The following CMSS1 variants were observed in gnomAD, a reference collection of about 807,000 sequenced individuals.
The protein encoded by CMSS1 is cms1 ribosomal small subunit homolog.
A neutral mutation model predicts 43.5 loss-of-function variants in CMSS1; 33 were observed. The observed-to-expected ratio is 0.76, with a 90% CI of 0.57 to 1.01. The LOEUF (loss-of-function observed/expected upper bound fraction) is 1.01, where lower values mean the gene tolerates loss of function less well. CMSS1 is among the 50% of genes least tolerant of loss of function. The pLI is 0.00. For missense variants in CMSS1, 313 were observed against 326.4 expected (o/e 0.96, Z 0.32); for synonymous variants, 115 against 117.2 (o/e 0.98, Z 0.12).
At chr3:99,835,675 A>T (rs1316034024) in intron 1 of CMSS1, among the ~76,000 whole-genome samples, 1 of 152,220 alleles carries the variant, frequency 6.6e-6, no homozygotes, top group African/African-American at 2.4e-5. Context: ...CATTTTAAGA[A>T]ACATTGATAT....
intron 2 of CMSS1, among the ~76,000 whole-genome samples, chr3:100,150,260 A>G (rs1380975504): frequency 1.3e-5 from 2 of 152,206 alleles, no homozygotes; most frequent in African/African-American, 2.4e-5. Flanking sequence ...CCACTATAGT[A>G]CCTAACACAG....
At chr3:99,820,660 A>T (rs1389840180) in intron 1 of CMSS1, among the ~76,000 whole-genome samples, 1 of 152,240 alleles carries the variant, frequency 6.6e-6, no homozygotes, top group Non-Finnish European at 1.5e-5. Context: ...TTCAAAAGAA[A>T]TCACAGCTGA....
chr3:99,990,554 A>C (rs923465735), intron 1 of CMSS1, among the ~76,000 whole-genome samples: 8 of 152,210 alleles, frequency 5.3e-5, no homozygotes, highest in Non-Finnish European at 1.2e-4. Flanking sequence ...GTTTTCAGTC[A>C]TGGCCACAAT....
intron 1 of CMSS1, among the ~76,000 whole-genome samples, chr3:99,990,137 G>A (rs1329030994): frequency 2.6e-5 from 4 of 152,152 alleles, no homozygotes; most frequent in African/African-American, 9.7e-5. Flanking sequence ...TTGTATGCCA[G>A]ATACTGCCTA....
At chr3:99,942,234 T>C (rs188614593) in intron 1 of CMSS1, among the ~76,000 whole-genome samples, 16 of 152,224 alleles carry the variant, frequency 1.1e-4, no homozygotes, top group Non-Finnish European at 2.1e-4. Flanking sequence ...GTTAATCTTA[T>C]TAGATGTGTT....
chr3:100,017,930 AC>A (rs2107218681), intron 1 of CMSS1, among the ~76,000 whole-genome samples: 1 of 152,196 alleles, frequency 6.6e-6, no homozygotes, highest in East Asian at 1.9e-4. Flanking sequence ...AGATTGTGGA[AC>A]TTCTCAGCCT....
At chr3:99,988,683 A>C (rs1349441318) in intron 1 of CMSS1, among the ~76,000 whole-genome samples, 1 of 152,216 alleles carries the variant, frequency 6.6e-6, no homozygotes, top group Non-Finnish European at 1.5e-5. Flanking sequence ...GCAAACAAAA[A>C]AGAAATTAAC....
At chr3:99,979,742 G>A (rs943012497) in intron 1 of CMSS1, among the ~76,000 whole-genome samples, 15 of 152,044 alleles carry the variant, frequency 9.9e-5, no homozygotes, top group African/African-American at 3.6e-4. Context: ...AATATTCATG[G>A]CATTGCTCTA....
intron 1 of CMSS1, chr3:100,023,520 A>G (rs1399682623): frequency 6.6e-6 from 1 of 152,644 alleles, no homozygotes; most frequent in Non-Finnish European, 1.5e-5. Context: ...ATGTGAAAGA[A>G]CTGTAAGTGG....
chr3:99,842,192 A>T (rs142951754), intron 1 of CMSS1, among the ~76,000 whole-genome samples: 3,653 of 152,328 alleles, frequency 0.024, 119 homozygotes, highest in Admixed American at 0.084. Flanking sequence ...AGCAACCTGG[A>T]TGGAATTGGA....
intron 1 of CMSS1, among the ~76,000 whole-genome samples, chr3:99,998,295 T>A (rs1709740097): frequency 6.6e-6 from 1 of 152,224 alleles, no homozygotes; most frequent in Admixed American, 6.5e-5. Context: ...AAAATGTCTT[T>A]CTTGGAATGT....
At chr3:100,013,570 G>T (rs1164673941) in intron 1 of CMSS1, among the ~76,000 whole-genome samples, 8 of 152,092 alleles carry the variant, frequency 5.3e-5, no homozygotes, top group Admixed American at 2.0e-4. Context: ...TAGATAAAAA[G>T]TATGTAGAGA....
At chr3:99,904,439 A>ATTTT (rs1706544879) in intron 1 of CMSS1, among the ~76,000 whole-genome samples, 1 of 152,236 alleles carries the variant, frequency 6.6e-6, no homozygotes, top group South Asian at 2.1e-4. Flanking sequence ...TTTTTGAATT[A>ATTTT]TCAAATTAAA....
intron 1 of CMSS1, among the ~76,000 whole-genome samples, chr3:99,997,943 G>A (rs370286624): frequency 2.2e-4 from 34 of 152,256 alleles, no homozygotes; most frequent in East Asian, 1.7e-3. Context: ...TCTACATCAA[G>A]AATCAAGATC....
chr3:100,139,529 ATG>A (rs201315535), intron 1 of CMSS1, among the ~76,000 whole-genome samples: 30,774 of 129,002 alleles, frequency 0.24, 3,719 homozygotes, highest in South Asian at 0.3. Flanking sequence ...TAAAAAAAAA[ATG>A]TGTGTGTGTG....
chr3:99,876,148 CG>C, intron 1 of CMSS1: 7 of 986,142 alleles, frequency 7.1e-6, no homozygotes, highest in Non-Finnish European at 8.4e-6. Flanking sequence ...CGACTGTGCG[CG>C]CTCCGAGAGT....
At chr3:100,014,467 A>G (rs747251937) in intron 1 of CMSS1, among the ~76,000 whole-genome samples, 3 of 152,130 alleles carry the variant, frequency 2.0e-5, no homozygotes, top group Non-Finnish European at 2.9e-5. Flanking sequence ...CCAACAGTGT[A>G]TAAGAGTTCC....
At position 99,941,200 on chromosome 3, in the gene CMSS1, T is replaced by C. The variant is rs182447178; in HGVS notation, c.64+123157T>C. On this transcript the variant is annotated intron_variant, in intron 1 of 9. Transcript: ENST00000421999. ...TCCTATTCCTTACGTCTTTTTTTTTTAGACACACGGAGTTGATATTATTCT... is the reference window on the plus strand; with the variant it reads ...TCCTATTCCTTACGTCTTTTTTTTTCAGACACACGGAGTTGATATTATTCT... Among the ~76,000 whole-genome samples, 111 of 152,330 alleles carry C rather than the reference T, an allele frequency of 7.3e-4. 2 individuals carry two copies. In the East Asian group the frequency reaches 0.019, roughly 27 times the overall value.
At position 99,924,342 on chromosome 3, in the gene CMSS1, C is replaced by G; in HGVS notation, c.64+106299C>G. The G allele has an allele frequency of 1.9e-6, 3 of 1,614,110 alleles. No individual in the cohort carries two copies. The highest frequency in any genetic ancestry group is 8.5e-7 in the Non-Finnish European group (1 of 1,179,994). ...AATATGGTTTGCCTACGGGATTTTT[C>G]TGCCACTAAAAGCTGTCCCAGGATT... On this transcript the variant is annotated intron_variant, in intron 1 of 9. Transcript: ENST00000421999.
Sources: gnomAD v4.1 joint callset for allele counts (sites outside exome capture counted in the v4.1 genomes callset) on GRCh38, gnomAD v4.1.1 for gene constraint, MANE v1.5 for transcripts, NCBI Gene and HGNC (gene_info 2026-07-23, HGNC 2026-07-21) for gene names.